The following CERS6 variants were observed in gnomAD, a reference collection of about 807,000 sequenced individuals.
The protein encoded by CERS6 is LAG1 homolog, ceramide synthase 6.
In CERS6, 26 loss-of-function variants were observed where a neutral mutation model predicts 56.8. That is an observed-to-expected ratio of 0.46 (90% CI 0.34 to 0.63). The LOEUF is 0.63. Among genes scored for constraint, CERS6 ranks in the 30% least tolerant of loss-of-function variants. The probability of loss-of-function intolerance (pLI) is 0.01; values close to 1 mark genes in which losing one functional copy is unlikely to be tolerated. For missense variants in CERS6, 415 were observed against 467.5 expected (o/e 0.89, Z 1.04); for synonymous variants, 164 against 173.3 (o/e 0.95, Z 0.42).
At chr2:168,716,550 A>G (rs1261078068) in intron 7 of CERS6, among the ~76,000 whole-genome samples, 1 of 152,190 alleles carries the variant, frequency 6.6e-6, no homozygotes, top group Admixed American at 6.5e-5. Context: ...AACATTATAA[A>G]GTAAATAACA....
chr2:168,529,224 T>C (rs796103504), intron 1 of CERS6, among the ~76,000 whole-genome samples: 7 of 152,350 alleles, frequency 4.6e-5, no homozygotes, highest in African/African-American at 1.7e-4. Flanking sequence ...ATTCTTTCTG[T>C]TGTTCTCAGT....
chr2:168,687,826 C>T (rs1297664152), intron 4 of CERS6, among the ~76,000 whole-genome samples: 1 of 152,136 alleles, frequency 6.6e-6, no homozygotes, highest in Non-Finnish European at 1.5e-5. Flanking sequence ...ACCTCAGCCT[C>T]CTGAGTAGCT....
chr2:168,608,281 T>A (rs1057403938), intron 3 of CERS6, among the ~76,000 whole-genome samples: 13 of 152,246 alleles, frequency 8.5e-5, no homozygotes, highest in African/African-American at 3.1e-4. Flanking sequence ...GTGGGTATTT[T>A]TCATTGTCTT....
At chr2:168,585,703 G>C (rs752758170) in intron 3 of CERS6, among the ~76,000 whole-genome samples, 1 of 152,162 alleles carries the variant, frequency 6.6e-6, no homozygotes, top group African/African-American at 2.4e-5. Context: ...AAAAGTGTTT[G>C]AAATAAATGG....
At chr2:168,555,292 T>C (rs1411009949) in intron 2 of CERS6, among the ~76,000 whole-genome samples, 1 of 152,048 alleles carries the variant, frequency 6.6e-6, no homozygotes, top group African/African-American at 2.4e-5. Context: ...AACTCTTGGG[T>C]AAAATTGAAA....
chr2:168,627,020 A>G (rs1684606385), intron 3 of CERS6, among the ~76,000 whole-genome samples: 1 of 152,212 alleles, frequency 6.6e-6, no homozygotes, highest in African/African-American at 2.4e-5. Context: ...TCATAAAGAC[A>G]CAGAGGTAAA....
intron 6 of CERS6, among the ~76,000 whole-genome samples, chr2:168,712,656 A>T (rs62174430): frequency 6.6e-6 from 1 of 152,172 alleles, no homozygotes; most frequent in Non-Finnish European, 1.5e-5. Context: ...AGATAAGAAG[A>T]AGCTACTAAT....
At chr2:168,506,056 TC>T (rs1406904271) in intron 1 of CERS6, among the ~76,000 whole-genome samples, 3 of 152,308 alleles carry the variant, frequency 2.0e-5, no homozygotes, top group African/African-American at 7.2e-5. Flanking sequence ...TGAATATCTT[TC>T]TCCTTTTCTA....
intron 3 of CERS6, among the ~76,000 whole-genome samples, chr2:168,568,160 G>A (rs1303104879): frequency 2.0e-5 from 3 of 152,186 alleles, no homozygotes; most frequent in African/African-American, 7.2e-5. Flanking sequence ...CAGGCTGGCT[G>A]CACATTAGCT....
intron 3 of CERS6, among the ~76,000 whole-genome samples, chr2:168,614,206 C>T (rs931541142): frequency 6.6e-6 from 1 of 152,128 alleles, no homozygotes; most frequent in Non-Finnish European, 1.5e-5. Flanking sequence ...GATGGGAGAT[C>T]CTTGACATAC....
At chr2:168,558,755 G>C (rs1285456311) in intron 2 of CERS6, among the ~76,000 whole-genome samples, 1 of 152,200 alleles carries the variant, frequency 6.6e-6, no homozygotes, top group South Asian at 2.1e-4. Context: ...TGTAGTCCCA[G>C]CTACTCTGGA....
At chr2:168,703,040 A>AT (rs1214883534) in intron 6 of CERS6, among the ~76,000 whole-genome samples, 2 of 152,348 alleles carry the variant, frequency 1.3e-5, no homozygotes, top group Non-Finnish European at 1.5e-5. Context: ...TGAAAATGTA[A>AT]TTTTTAGTAA....
At chr2:168,724,554 G>A (rs1262956198) in intron 8 of CERS6, among the ~76,000 whole-genome samples, 1 of 151,962 alleles carries the variant, frequency 6.6e-6, no homozygotes, top group Non-Finnish European at 1.5e-5. Flanking sequence ...AGACACAAAG[G>A]TTCTCCACAT....
chr2:168,547,175 C>T (rs993250138), intron 1 of CERS6, among the ~76,000 whole-genome samples: 11 of 152,274 alleles, frequency 7.2e-5, no homozygotes, highest in Non-Finnish European at 1.3e-4. Flanking sequence ...GTGGTCAAAG[C>T]GCTCTCTCTG....
intron 8 of CERS6, among the ~76,000 whole-genome samples, chr2:168,723,931 G>A (rs1683263497): frequency 1.3e-5 from 2 of 152,190 alleles, no homozygotes; most frequent in Non-Finnish European, 2.9e-5. Flanking sequence ...GAGTCTTACT[G>A]CTTTACCAGT....
At chr2:168,488,451 T>C (rs529071794) in intron 1 of CERS6, among the ~76,000 whole-genome samples, 2 of 152,282 alleles carry the variant, frequency 1.3e-5, no homozygotes, top group Non-Finnish European at 2.9e-5. Context: ...TGTGTAGGAC[T>C]TGTATTTAAA....
intron 3 of CERS6, among the ~76,000 whole-genome samples, chr2:168,572,186 G>T (rs751285534): frequency 6.6e-6 from 1 of 152,156 alleles, no homozygotes; most frequent in African/African-American, 2.4e-5. Flanking sequence ...CAGTTGTAAT[G>T]AAGTTGCATA....
chr2:168,647,405 G>A (rs1559035144), intron 4 of CERS6, among the ~76,000 whole-genome samples: 1 of 152,180 alleles, frequency 6.6e-6, no homozygotes, highest in African/African-American at 2.4e-5. Flanking sequence ...TCAGCTGAAA[G>A]AGCTTTTGGG....
chr2:168,520,686 C>T (rs577069932), intron 1 of CERS6, among the ~76,000 whole-genome samples: 313 of 144,556 alleles, frequency 2.2e-3, no homozygotes, highest in African/African-American at 7.5e-3. Context: ...CTTAGCTCAC[C>T]GCAACCTCCG....
Sources: allele counts gnomAD v4.1 joint callset (sites outside exome capture counted in the v4.1 genomes callset), GRCh38; gene constraint gnomAD v4.1.1; transcripts MANE v1.5; gene names NCBI Gene and HGNC (gene_info 2026-07-23, HGNC 2026-07-21).